Variants in CENPA observed in about 807,000 individuals in gnomAD.
CENPA encodes the protein histone H3-like centromeric protein A.
In CENPA, 7 loss-of-function variants were observed where a neutral mutation model predicts 17.2. The observed-to-expected ratio is 0.41, with a 90% CI of 0.23 to 0.76. The LOEUF (loss-of-function observed/expected upper bound fraction) is 0.76. Ranked by LOEUF, CENPA falls within the 30% of genes least tolerant of loss-of-function variation. CENPA has a pLI of 0.34. For synonymous variants in CENPA, 82 were observed against 77.4 expected (o/e 1.06, Z -0.31); for missense variants, 149 against 193.1 (o/e 0.77, Z 1.35).
Position 26,792,787 on chromosome 2 carries a change from G to A in CENPA, c.242G>A (p.Gly81Asp). 6.2e-7 allele frequency: 1 copy of A among 1,614,054 alleles called. No homozygotes were observed. Among genetic ancestry groups the A allele is most frequent in the East Asian group, 2.2e-5 (1 of 44,886 alleles). The change falls in exon 3 of 5, where the codon GGT becomes GAT. Residue 81 changes from glycine (G) to aspartate (D), a missense_variant. Gly to Asp is a moderately conservative substitution (Grantham distance 94). Transcript: ENST00000335756. ...AREICVKFTR[G>D]VDFNWQAQAL... is the part of the protein sequence containing the mutation. ...GAAATATGTGTTAAATTCACTCGTGGTGTGGACTTCAATTGGCAAGCCCAG... is the reference window on the plus strand; with the variant it reads ...GAAATATGTGTTAAATTCACTCGTGATGTGGACTTCAATTGGCAAGCCCAG...
At chr2:26,793,743 T>C (rs1170912004) in intron 4 of CENPA, 69 bp from the exon 5 acceptor site, 2 of 152,714 alleles carry the variant, frequency 1.3e-5, no homozygotes, top group African/African-American at 4.8e-5. Flanking sequence ...ACTTTCTCTT[T>C]TTTGATTAAG....
rs1223113728 is a variant in CENPA, at chr2:26,793,338, C to T, written c.*47+12C>T. 9 of 1,595,206 alleles carry T rather than the reference C, an allele frequency of 5.6e-6. No individual in the cohort carries two copies. Among genetic ancestry groups the T allele is most frequent in the Non-Finnish European group, 7.7e-6 (9 of 1,170,814 alleles). ...TGCTCAGCCAGGGGGTAAGCTCATC[C>T]TCTTTCACAGGACTGGGGCTGGAAT... On this transcript the variant is annotated intron_variant, in intron 4 of 4. Coordinates refer to ENST00000335756, the MANE Select transcript of CENPA (RefSeq NM_001809.4).
chr2:26,792,522 A>AGATT, intron 2 of CENPA: 1 of 713,562 alleles, frequency 1.4e-6, no homozygotes, highest in Non-Finnish European at 2.6e-6. Context: ...CTATCCTGGG[A>AGATT]GATTGCCTCT....
chr2:26,786,483 G>T (rs535493240), intron 1 of CENPA, among the ~76,000 whole-genome samples, 187 bp downstream of exon 1: 13 of 152,364 alleles, frequency 8.5e-5, no homozygotes, highest in Admixed American at 3.9e-4. Context: ...TTCCGAAAGC[G>T]GGAAGGGACC....
chr2:26,788,256 GTCC>G (rs997257221), intron 1 of CENPA, among the ~76,000 whole-genome samples: 12 of 152,206 alleles, frequency 7.9e-5, no homozygotes, highest in African/African-American at 2.9e-4. Context: ...GGCTCATGCA[GTCC>G]TCCTGCTTCA....
intron 4 of CENPA, 102 bp from the exon 5 acceptor site, chr2:26,793,710 A>C (rs1664662695): frequency 6.6e-6 from 1 of 152,526 alleles, no homozygotes; most frequent in African/African-American, 2.4e-5. Flanking sequence ...CTTTCTAATA[A>C]AAGAGAACAC....
rs1664651878 is a variant in CENPA at position 26,793,156 on chromosome 2, A to G, written c.300A>G (p.Ala100=). 6.2e-7 allele frequency: 1 copy of G among 1,614,040 alleles called. No individual in the cohort carries two copies. Among genetic ancestry groups the G allele is most frequent in the Admixed American group, 1.7e-5 (1 of 60,004 alleles). ...CTTTCTGTCTCCAGGCAGCAGAAGC[A>G]TTTCTAGTTCATCTCTTTGAGGACG... ...ALLALQEAAE[A]FLVHLFEDAY... The change falls in exon 4 of 5, where the codon GCA becomes GCG. Residue 100 remains alanine, a synonymous_variant. Coordinates refer to ENST00000335756, the MANE Select transcript of CENPA (RefSeq NM_001809.4).
In CENPA at chr2:26,792,183, C is replaced by A. The variant is rs771173342; in HGVS notation, c.153C>A (p.Ile51=). The A allele has an allele frequency of 8.1e-6, 13 of 1,613,906 alleles. No homozygotes were observed. In the African/African-American group the frequency reaches 1.5e-4, roughly 18 times the overall value. Residue 51 remains isoleucine, a synonymous_variant, in exon 2 of 5, where the codon ATC becomes ATA. Coordinates refer to ENST00000335756, the MANE Select transcript of CENPA (RefSeq NM_001809.4). ...SRRRQGWLKE[I]RKLQKSTHLL... The stretch of plus-strand genomic sequence containing the variant: ...GGAGACAAGGTTGGCTAAAGGAGAT[C>A]CGAAAGCTTCAGAAGAGCACACACC...
Position 26,792,113 on chromosome 2 carries a change from T to C in CENPA, c.101-18T>C. The C allele has an allele frequency of 6.2e-7, 1 of 1,611,122 alleles. No homozygotes were observed. The highest frequency in any genetic ancestry group is 8.5e-7 in the Non-Finnish European group (1 of 1,178,394). ...GGCACCACCTATTTTCCACTGAACT[T>C]ACCTTTCTTTTGCTCAGGCGCTTCC... On this transcript the variant is annotated intron_variant, in intron 1 of 4. Coordinates refer to ENST00000335756, the MANE Select transcript of CENPA (RefSeq NM_001809.4).
Position 26,786,173 on chromosome 2 carries a change from C to A in CENPA, c.-24C>A. ...CCCGAGCAGGAGCCGTGGGACCGGG[C>A]GCCAGCACCCTCTGCGGCGTGTCAT... On this transcript the variant is annotated 5_prime_UTR_variant, in exon 1 of 5. Coordinates refer to ENST00000335756, the MANE Select transcript of CENPA (RefSeq NM_001809.4). 7.0e-7 allele frequency: 1 copy of A among 1,427,632 alleles called. No homozygotes were observed. The highest frequency in any genetic ancestry group is 9.1e-7 in the Non-Finnish European group (1 of 1,097,282). 88.4% of individuals were successfully genotyped at this position (1,427,632 alleles called of 1,614,324 possible). A position where few individuals can be genotyped will look rare whatever the true frequency, so the allele number is the denominator to read the frequency against.
At chr2:26,786,333 C>T (rs2148064858) in intron 1 of CENPA, 37 bp downstream of exon 1, 1 of 1,290,048 alleles carries the variant, frequency 7.8e-7, no homozygotes, top group Admixed American at 4.2e-5. Context: ...GAGGAGAAAA[C>T]CGAGGCTCGC....
At position 26,786,206 on chromosome 2, in the gene CENPA, C is replaced by T; in HGVS notation, c.10C>T (p.Arg4Cys). 6.9e-7 allele frequency: 1 copy of T among 1,442,252 alleles called. No homozygotes were observed. 89.3% of individuals were successfully genotyped at this position (1,442,252 alleles called of 1,614,324 possible). A position where few individuals can be genotyped will look rare whatever the true frequency, so the allele number is the denominator to read the frequency against. The change falls in exon 1 of 5, where the codon CGC becomes TGC. Residue 4 changes from arginine to cysteine, a missense_variant. Around this residue, in one of 2 missense-constraint regions of CENPA, gnomAD observed 95 missense variants for 87.5 expected, o/e 1.09. Transcript: ENST00000335756. MGP[R>C]RRSRKPEAPR... ...CCCTCTGCGGCGTGTCATGGGCCCG[C>T]GCCGCCGGAGCCGAAAGCCCGAGGC...
chr2:26,793,210 A>C lies in CENPA; in HGVS notation c.354A>C (p.Arg118=). The change falls in exon 4 of 5, where the codon CGA becomes CGC. Residue 118 remains arginine, a synonymous_variant. Transcript: ENST00000335756. ...ATCTCCTCACCTTACATGCAGGCCG[A>C]GTTACTCTCTTCCCAAAGGATGTGC... ...DAYLLTLHAG[R]VTLFPKDVQL... is the part of the protein sequence containing the mutation. The C allele has an allele frequency of 6.2e-7, 1 of 1,614,118 alleles. No homozygotes were observed. Among genetic ancestry groups the C allele is most frequent in the Non-Finnish European group, 8.5e-7 (1 of 1,180,028 alleles).
Position 26,786,254 on chromosome 2 carries a change from C to G in CENPA, c.58C>G (p.Pro20Ala), listed in dbSNP as rs1664506147. Residue 20 changes from proline to alanine, a missense_variant, in exon 1 of 5, where the codon CCG (proline) becomes GCG (alanine). Pro to Ala is a conservative substitution (Grantham distance 27, BLOSUM62 -1). Transcript: ENST00000335756. ...PEAPRRRSPS[P>A]TPTPGPSRRG... ...GGCCCCGAGGAGGCGCAGCCCGAGC[C>G]CGACCCCGACCCCCGGCCCCTCCCG... The G allele has an allele frequency of 7.3e-7, 1 of 1,367,126 alleles. No homozygotes were observed. The highest frequency in any genetic ancestry group is 9.4e-7 in the Non-Finnish European group (1 of 1,067,426). 84.7% of individuals were successfully genotyped at this position (1,367,126 alleles called of 1,614,324 possible).
At chr2:26,792,576 C>T in intron 2 of CENPA, 180 bp from the exon 3 acceptor site, 1 of 722,284 alleles carries the variant, frequency 1.4e-6, no homozygotes, top group Non-Finnish European at 2.6e-6. Flanking sequence ...AGTAAGAGAT[C>T]CGCCAGTTCC....
intron 1 of CENPA, 95 bp downstream of exon 1, chr2:26,786,391 T>C (rs1664509173): frequency 7.9e-7 from 1 of 1,261,152 alleles, no homozygotes; most frequent in South Asian, 2.9e-5. Context: ...CACTTCCCTG[T>C]TGGGGGACAA....
chr2:26,786,798 C>A (rs1275543464), intron 1 of CENPA, among the ~76,000 whole-genome samples: 1 of 152,132 alleles, frequency 6.6e-6, no homozygotes, highest in Non-Finnish European at 1.5e-5. Context: ...TAGGAGGTGT[C>A]TTTCAGGGGT....
chr2:26,787,515 G>A (rs750599489), intron 1 of CENPA, among the ~76,000 whole-genome samples: 7 of 151,348 alleles, frequency 4.6e-5, no homozygotes, highest in Non-Finnish European at 1.0e-4. Flanking sequence ...GCGCCCGGCC[G>A]GCTTTTTGGT....
intron 1 of CENPA, among the ~76,000 whole-genome samples, chr2:26,790,713 G>A (rs1291534717): frequency 6.6e-6 from 1 of 152,204 alleles, no homozygotes; most frequent in Admixed American, 6.5e-5. Flanking sequence ...TTTTTCTCCT[G>A]GGCATGGGTC....
Sources: allele counts gnomAD v4.1 joint callset (sites outside exome capture counted in the v4.1 genomes callset), GRCh38; gene constraint gnomAD v4.1.1; regional missense constraint gnomAD v4.1.1; transcripts MANE v1.5; gene names NCBI Gene and HGNC (gene_info 2026-07-23, HGNC 2026-07-21).